HEMGN: variants seen among roughly 807,000 people sequenced by gnomAD.
HEMGN encodes the protein hemogen, also known as erythroid differentiation-associated gene protein.
Under a neutral mutation model 45.7 loss-of-function variants are expected in HEMGN, and 32 were observed. That is an observed-to-expected ratio of 0.70 (90% confidence interval 0.53 to 0.94). The LOEUF (loss-of-function observed/expected upper bound fraction) is 0.94, where lower values mean the gene tolerates loss of function less well. HEMGN is among the 40% of genes least tolerant of loss of function. The probability of loss-of-function intolerance (pLI) is 0.00; values close to 1 mark genes in which losing one functional copy is unlikely to be tolerated. For synonymous variants in HEMGN, 183 were observed against 178.6 expected, an observed-to-expected ratio of 1.02 and a Z score of -0.20; for missense variants, 530 against 564.2, an observed-to-expected ratio of 0.94 and a Z score of 0.61.
upstream of HEMGN, among the ~76,000 whole-genome samples, chr9:97,940,647 G>A (rs775154025): frequency 2.6e-5 from 4 of 152,218 alleles, no homozygotes; most frequent in Non-Finnish European, 5.9e-5. Flanking sequence ...TTTCCAGAAT[G>A]TGTGTTAGGC....
chr9:97,928,993 T>G (rs1046335375), intron 3 of HEMGN, among the ~76,000 whole-genome samples: 2 of 152,254 alleles, frequency 1.3e-5, no homozygotes, highest in African/African-American at 2.4e-5. Context: ...GATATTCACT[T>G]ACATATTGCT....
Position 97,930,684 on chromosome 9 carries a change from A to G in HEMGN, c.711T>C (p.Ala237=). 6.2e-7 allele frequency: 1 copy of G among 1,614,216 alleles called. No homozygotes were observed. Among genetic ancestry groups the G allele is most frequent in the Non-Finnish European group, 8.5e-7 (1 of 1,180,028 alleles). Residue 237 remains alanine, a synonymous_variant, in exon 3 of 4, where the codon GCT becomes GCC. Transcript: ENST00000616898. ...TTGGACAAGGAAGGATTTTGGGTAC[A>G]GCAGCTTCTTGGCACATTTTAGGAG... ...DLAPKMCQEA[A]VPKILPCPTS... is the part of the protein sequence containing the mutation.
intron 2 of HEMGN, among the ~76,000 whole-genome samples, chr9:97,933,533 G>A (rs564520296): frequency 1.1e-4 from 16 of 152,182 alleles, no homozygotes; most frequent in Non-Finnish European, 1.9e-4. Flanking sequence ...GAAACCCTGA[G>A]TATGAGTTTA....
chr9:97,935,920 T>A (rs1413417020), intron 2 of HEMGN, among the ~76,000 whole-genome samples: 1 of 152,198 alleles, frequency 6.6e-6, no homozygotes, highest in Non-Finnish European at 1.5e-5. Flanking sequence ...GGTTGCTCAG[T>A]GCTTTAATTA....
rs1247149117 is a variant in HEMGN, at chr9:97,943,748, T to G, written c.-56+1020A>C. 3.3e-5 allele frequency among the ~76,000 whole-genome samples: 5 copies of G among 152,198 alleles called. No homozygotes were observed. In the East Asian group the frequency reaches 7.7e-4, roughly 23 times the overall value. On this transcript the variant is annotated intron_variant, in intron 1 of 4. Transcript: ENST00000259456. ...GAACTAGTAATATATTCTCAGTGTC[T>G]CCTTTTCCCCCTACACCATTTCATT...
chr9:97,941,814 G>A (rs540463225), upstream of HEMGN, among the ~76,000 whole-genome samples: 101 of 152,312 alleles, frequency 6.6e-4, no homozygotes, highest in African/African-American at 2.3e-3. Context: ...AAGCCAAGAG[G>A]AAAGACTGTT....
chr9:97,930,356 G>A lies in HEMGN; in HGVS notation c.1039C>T (p.Pro347Ser), dbSNP rs201694228. 42 of 1,613,498 alleles carry A rather than the reference G, an allele frequency of 2.6e-5. No individual in the cohort carries two copies. The highest frequency in any genetic ancestry group is 3.4e-5 in the Non-Finnish European group (40 of 1,179,910). The change falls in exon 3 of 4, where the codon CCT becomes TCT. Residue 347 changes from proline (P) to serine (S), a missense_variant. Physicochemically the swap from Pro to Ser is moderately conservative, Grantham distance 74. Coordinates refer to ENST00000616898, the MANE Select transcript of HEMGN (RefSeq NM_197978.3). ...APSHKTIQET[P>S]HSEDYSIEIN... ...TCAATTGAATAGTCTTCAGAATGAG[G>A]TGTTTCTTGGATTGTTTTATGAGAG...
intron 1 of HEMGN, among the ~76,000 whole-genome samples, chr9:97,944,084 T>C (rs930172623): frequency 8.5e-5 from 13 of 152,156 alleles, no homozygotes; most frequent in Non-Finnish European, 8.8e-5. Flanking sequence ...TCCTTTTGAG[T>C]TAATACTCTT....
In HEMGN at chr9:97,938,143, G is replaced by T; in HGVS notation, c.-7C>A. On this transcript the variant is annotated 5_prime_UTR_variant, in exon 1 of 4. Transcript: ENST00000616898. ...GGTCCTTTCCCAAATCCATCTTGCTGCAATACCTTCCTGCTATTTTGGTCT... is the reference window on the plus strand; with the variant it reads ...GGTCCTTTCCCAAATCCATCTTGCTTCAATACCTTCCTGCTATTTTGGTCT... The T allele has an allele frequency of 1.2e-6, 2 of 1,603,562 alleles. No individual in the cohort carries two copies. The highest frequency in any genetic ancestry group is 1.7e-6 in the Non-Finnish European group (2 of 1,171,670).
chr9:97,938,388 A>G (rs1247079660), upstream of HEMGN: 4 of 395,122 alleles, frequency 1.0e-5, no homozygotes, highest in East Asian at 1.7e-4. Context: ...ATAGGTTGCT[A>G]TTTATACAGG....
chr9:97,943,312 T>C (rs964380759), intron 1 of HEMGN, among the ~76,000 whole-genome samples: 10 of 152,190 alleles, frequency 6.6e-5, no homozygotes, highest in African/African-American at 2.4e-4. Context: ...TGGACACTTG[T>C]TTTTCTTAGC....
chr9:97,934,768 C>G (rs1564122610), intron 2 of HEMGN, among the ~76,000 whole-genome samples: 2 of 152,162 alleles, frequency 1.3e-5, no homozygotes, highest in Non-Finnish European at 2.9e-5. Context: ...CATTTTAACA[C>G]TAACTAAAAC....
At chr9:97,928,078 G>C (rs903438215) in intron 3 of HEMGN, among the ~76,000 whole-genome samples, 3 of 148,748 alleles carry the variant, frequency 2.0e-5, no homozygotes, top group African/African-American at 5.0e-5. Context: ...CCAGGCTGGA[G>C]TGCAGTGGCG....
At chr9:97,934,918 C>CG (rs1423344608) in intron 2 of HEMGN, among the ~76,000 whole-genome samples, 1 of 152,090 alleles carries the variant, frequency 6.6e-6, no homozygotes, top group African/African-American at 2.4e-5. Context: ...TCTGAGCCAG[C>CG]GGGGTTGCCG....
At chr9:97,941,423 T>A (rs2131559423), upstream of HEMGN, among the ~76,000 whole-genome samples, 1 of 152,294 alleles carries the variant, frequency 6.6e-6, no homozygotes, top group Non-Finnish European at 1.5e-5. Context: ...AGTGATACGA[T>A]CTGACTTACA....
At chr9:97,928,492 C>T (rs543103424) in intron 3 of HEMGN, among the ~76,000 whole-genome samples, 2 of 152,124 alleles carry the variant, frequency 1.3e-5, no homozygotes, top group African/African-American at 4.8e-5. Flanking sequence ...AATTTGGGTA[C>T]CGTTTGGCCC....
chr9:97,932,675 G>A (rs773829054), intron 2 of HEMGN, among the ~76,000 whole-genome samples: 17 of 151,824 alleles, frequency 1.1e-4, no homozygotes, highest in South Asian at 2.1e-4. Context: ...ATGGTGGTGC[G>A]CGTCTGTAAT....
chr9:97,931,003 T>C lies in HEMGN; in HGVS notation c.392A>G (p.Glu131Gly). Reference sequence around the variant, plus strand: ...TTCTTGACATATTTCAGAAAAGTGTTCCTCAGGCACAACTTTTTGCGGGGA... The same window carrying C: ...TTCTTGACATATTTCAGAAAAGTGTCCCTCAGGCACAACTTTTTGCGGGGA... ...VASPQKVVPE[E>G]HFSEICQESN... Residue 131 changes from glutamate to glycine, a missense_variant, in exon 3 of 4, where the codon GAA (glutamate) becomes GGA (glycine). Glu to Gly is a moderately conservative substitution (Grantham distance 98, BLOSUM62 -2). Transcript: ENST00000616898. 1.2e-6 allele frequency: 2 copies of C among 1,614,174 alleles called. No individual in the cohort carries two copies. Among genetic ancestry groups the C allele is most frequent in the Non-Finnish European group, 1.7e-6 (2 of 1,180,024 alleles).
At chr9:97,931,335 C>T in intron 2 of HEMGN, 114 bp from the exon 3 acceptor site, 1 of 718,342 alleles carries the variant, frequency 1.4e-6, no homozygotes, top group East Asian at 2.6e-5. Flanking sequence ...ATGAACTAGT[C>T]ACTTAATCTC....
Sources: gnomAD v4.1 joint callset for allele counts (sites outside exome capture counted in the v4.1 genomes callset) on GRCh38, gnomAD v4.1.1 for gene constraint, MANE v1.5 for transcripts, NCBI Gene and HGNC (gene_info 2026-07-23, HGNC 2026-07-21) for gene names.